Variants in PLEKHG4B observed in about 807,000 individuals in gnomAD.
PLEKHG4B encodes the protein pleckstrin homology and RhoGEF domain containing G4B, also known as pleckstrin homology domain-containing family G member 4B.
Under a neutral mutation model 121.3 loss-of-function variants are expected in PLEKHG4B, and 111 were observed. The ratio of observed to expected loss-of-function variants is 0.92; its 90% CI spans 0.78 to 1.07. PLEKHG4B has a LOEUF of 1.07. Among genes scored for constraint, PLEKHG4B ranks in the 50% least tolerant of loss-of-function variants. PLEKHG4B has a pLI of 0.00. For synonymous variants in PLEKHG4B, 738 were observed against 725.0 expected (o/e 1.02, Z -0.29); for missense variants, 1,831 against 1,757.8 (o/e 1.04, Z -0.74).
intron 2 of PLEKHG4B, among the ~76,000 whole-genome samples, chr5:125,409 A>G (rs1286603923): frequency 6.6e-6 from 1 of 152,196 alleles, no homozygotes; most frequent in African/African-American, 2.4e-5. Flanking sequence ...CTAAAGTTAT[A>G]ACACTAATTT....
At chr5:102,162 G>GTTGTGAGGTTAAT in intron 1 of PLEKHG4B, among the ~76,000 whole-genome samples, 3 of 151,894 alleles carry the variant, frequency 2.0e-5, no homozygotes, top group African/African-American at 7.3e-5. Context: ...GGGAGAGACT[G>GTTGTGAGGTTAAT]CTGTGAGGTT....
chr5:96,888 C>T (rs1160552893), intron 1 of PLEKHG4B, among the ~76,000 whole-genome samples: 2 of 152,188 alleles, frequency 1.3e-5, no homozygotes, highest in East Asian at 1.9e-4. Context: ...ACAATTTCCA[C>T]AAGGTACTAG....
intron 13 of PLEKHG4B, among the ~76,000 whole-genome samples, chr5:164,944 C>G (rs1467586062): frequency 2.0e-5 from 1 of 50,726 alleles, no homozygotes; most frequent in Non-Finnish European, 4.3e-5. Flanking sequence ...TGTGACGGGG[C>G]GGGGCTTACA....
At chr5:102,922 G>A (rs1733865158) in intron 1 of PLEKHG4B, among the ~76,000 whole-genome samples, 1 of 152,194 alleles carries the variant, frequency 6.6e-6, no homozygotes, top group Non-Finnish European at 1.5e-5. Flanking sequence ...CTGACCCTCG[G>A]GTCTTGGAGC....
chr5:170,775 C>A (rs1736516718), intron 14 of PLEKHG4B, among the ~76,000 whole-genome samples: 1 of 152,164 alleles, frequency 6.6e-6, no homozygotes, highest in South Asian at 2.1e-4. Flanking sequence ...CCCCTCAACC[C>A]CCTGGAGTCT....
At chr5:102,231 A>G (rs1733842695) in intron 1 of PLEKHG4B, among the ~76,000 whole-genome samples, 1 of 152,046 alleles carries the variant, frequency 6.6e-6, no homozygotes. Context: ...ATTAATCCAT[A>G]TAAAACCCTC....
intron 2 of PLEKHG4B, among the ~76,000 whole-genome samples, chr5:116,442 T>A (rs1734309743): frequency 6.6e-6 from 1 of 152,172 alleles, no homozygotes; most frequent in South Asian, 2.1e-4. Context: ...TTGCCACAAA[T>A]CTTCAGTACG....
chr5:93,019 G>A (rs1418988129), intron 1 of PLEKHG4B, among the ~76,000 whole-genome samples: 3 of 152,058 alleles, frequency 2.0e-5, no homozygotes, highest in Non-Finnish European at 2.9e-5. Context: ...TCCCTGTTTC[G>A]TGTGAAACTA....
chr5:158,029 T>A (rs1469968965), intron 11 of PLEKHG4B, among the ~76,000 whole-genome samples: 4 of 152,166 alleles, frequency 2.6e-5, no homozygotes, highest in Non-Finnish European at 5.9e-5. Flanking sequence ...GGGGCCCAGC[T>A]GGTCCAATCC....
rs567996996 is a variant in PLEKHG4B, at chr5:125,365, C to T, written c.243+11917C>T. Among the ~76,000 whole-genome samples, 427 of 152,108 alleles carry T rather than the reference C, an allele frequency of 2.8e-3. 1 individual carries two copies. Among genetic ancestry groups the T allele is most frequent in the African/African-American group, 9.3e-3 (387 of 41,480 alleles). ...TTTGTGTACATTCTATAGCTATTTTCCTTTTGATTACCATGGGGATTACAC... is the reference window on the plus strand; with the variant it reads ...TTTGTGTACATTCTATAGCTATTTTTCTTTTGATTACCATGGGGATTACAC... On this transcript the variant is annotated intron_variant, in intron 2 of 19. Transcript: ENST00000637938.
chr5:150,183 A>G (rs1352600907), intron 6 of PLEKHG4B, among the ~76,000 whole-genome samples: 1 of 152,230 alleles, frequency 6.6e-6, no homozygotes, highest in Non-Finnish European at 1.5e-5. Context: ...ATCCAGCCTT[A>G]AAAAGGAAGG....
intron 6 of PLEKHG4B, among the ~76,000 whole-genome samples, chr5:150,456 T>C (rs1296199454): frequency 1.3e-5 from 2 of 152,182 alleles, no homozygotes; most frequent in African/African-American, 4.8e-5. Flanking sequence ...ACGTTATGAA[T>C]GTACCTAAGA....
rs1735809493 is a variant in PLEKHG4B at position 157,081 on chromosome 5, A to C, written c.2487+170A>C. On this transcript the variant is annotated intron_variant, in intron 11 of 19. Coordinates refer to ENST00000637938, the MANE Select transcript of PLEKHG4B (RefSeq NM_052909.5). This position sits in a 1 kb window ranked among gnomAD's most constrained non-coding sequence, Gnocchi z 4.6. Reference sequence around the variant, plus strand: ...CTTGCTGCTTGTGTAAAAAGAAATAAATTTTATTTTTTACGTGAGAGATAC... The same window carrying C: ...CTTGCTGCTTGTGTAAAAAGAAATACATTTTATTTTTTACGTGAGAGATAC... The C allele has an allele frequency of 6.7e-6, 7 of 1,048,848 alleles. No individual in the cohort carries two copies. The highest frequency in any genetic ancestry group is 9.8e-6 in the Non-Finnish European group (7 of 716,012). The allele number at this position is 1,048,848 out of a possible 1,614,324, so 65.0% of individuals were successfully genotyped here.
rs185031093 is a variant in PLEKHG4B at position 141,839 on chromosome 5, G to C, written c.1477+1123G>C. On this transcript the variant is annotated intron_variant, in intron 3 of 19. Coordinates refer to ENST00000637938, the MANE Select transcript of PLEKHG4B (RefSeq NM_052909.5). Reference sequence around the variant, plus strand: ...AGCAAGTAGGGCCACCCAACCTCGGGAAAGTGACAGGCTGAGCCCTCCTTT... The same window carrying C: ...AGCAAGTAGGGCCACCCAACCTCGGCAAAGTGACAGGCTGAGCCCTCCTTT... 1.7e-3 allele frequency among the ~76,000 whole-genome samples: 256 copies of C among 151,840 alleles called. 1 individual carries two copies. The highest frequency in any genetic ancestry group is 5.8e-3 in the African/African-American group (241 of 41,280).
chr5:95,213 C>T (rs935507953), intron 1 of PLEKHG4B, among the ~76,000 whole-genome samples: 2 of 152,172 alleles, frequency 1.3e-5, no homozygotes, highest in African/African-American at 4.8e-5. Context: ...AACTGCTTAC[C>T]TTTCTGAGGC....
chr5:159,299 C>T lies in PLEKHG4B; in HGVS notation c.2487+2388C>T, dbSNP rs918528811. Among the ~76,000 whole-genome samples the T allele has an allele frequency of 1.3e-5, 2 of 151,372 alleles. No individual in the cohort carries two copies. Among genetic ancestry groups the T allele is most frequent in the Non-Finnish European group, 2.9e-5 (2 of 67,974 alleles). On this transcript the variant is annotated intron_variant, in intron 11 of 19. Coordinates refer to ENST00000637938, the MANE Select transcript of PLEKHG4B (RefSeq NM_052909.5). This position sits in a 1 kb window ranked among gnomAD's most constrained non-coding sequence, Gnocchi z 5.5. ...AGGGCAGGTGTGCCTGAGGGTCGCC[C>T]AGGTGCACCGAGGGCAGGTGTGCTC... is the stretch of plus-strand genomic sequence containing the variant.
chr5:135,039 C>T (rs573510095), intron 2 of PLEKHG4B, among the ~76,000 whole-genome samples: 2 of 150,784 alleles, frequency 1.3e-5, no homozygotes, highest in Non-Finnish European at 3.0e-5. Flanking sequence ...AATACAAAAA[C>T]TTAGCTGGGC....
chr5:117,473 CTT>C (rs1579251429), intron 2 of PLEKHG4B, among the ~76,000 whole-genome samples: 1 of 152,294 alleles, frequency 6.6e-6, no homozygotes, highest in East Asian at 1.9e-4. Context: ...TGCTTAATCA[CTT>C]ATCAAGTTAT....
At chr5:98,458 T>C (rs1422240678) in intron 1 of PLEKHG4B, among the ~76,000 whole-genome samples, 2 of 114,654 alleles carry the variant, frequency 1.7e-5, no homozygotes, top group Non-Finnish European at 3.4e-5. Flanking sequence ...TTTTTTGAGA[T>C]GGAGTCTCAC....
Sources: gnomAD v4.1 joint callset for allele counts (sites outside exome capture counted in the v4.1 genomes callset) on GRCh38, gnomAD v4.1.1 for gene constraint, Gnocchi (gnomAD v3.1) non-coding constraint, MANE v1.5 for transcripts, NCBI Gene and HGNC (gene_info 2026-07-23, HGNC 2026-07-21) for gene names.